The following POLR3H variants were observed in gnomAD, a reference collection of about 807,000 sequenced individuals.
The protein encoded by POLR3H is DNA-directed RNA polymerase III subunit RPC8.
Under a neutral mutation model 25.5 loss-of-function variants are expected in POLR3H, and 17 were observed. That is an observed-to-expected ratio of 0.67 (90% confidence interval 0.46 to 1.00). The LOEUF (loss-of-function observed/expected upper bound fraction) is 1.00. Among genes scored for constraint, POLR3H ranks in the 50% least tolerant of loss-of-function variants. The probability of loss-of-function intolerance (pLI) is 0.00; values close to 1 mark genes in which losing one functional copy is unlikely to be tolerated. For missense variants in POLR3H, 274 were observed against 265.0 expected (o/e 1.03, Z -0.24); for synonymous variants, 129 against 103.0 (o/e 1.25, Z -1.53).
chr22:41,544,086 C>T lies in POLR3H; in HGVS notation c.16G>A (p.Glu6Lys), dbSNP rs766504707. The T allele has an allele frequency of 1.0e-5, 16 of 1,590,086 alleles. No individual in the cohort carries two copies. Among genetic ancestry groups the T allele is most frequent in the East Asian group, 9.2e-5 (4 of 43,668 alleles). The part of the protein sequence containing the change: MFVLV[E>K]MVDTVRIPPW... ...GGGATCCGGACGGTGTCCACCATTT[C>T]CACCAGGACGAACATCCCGGCCTGC... The change falls in exon 1 of 6, where the codon GAA (glutamate) becomes AAA (lysine). Residue 6 changes from glutamate to lysine, a missense_variant. Physicochemically the swap from Glu to Lys is moderately conservative, Grantham distance 56. Coordinates refer to ENST00000355209, the MANE Select transcript of POLR3H (RefSeq NM_001018050.4).
chr22:41,526,132 GAC>G lies in POLR3H; in HGVS notation c.*3149_*3150del. The stretch of plus-strand genomic sequence containing the variant: ...CAGGACCACAGAACACGTGTCTGAA[GAC>G]TTGCCTGCCTCTCACCCCTCTGTCA... On this transcript the variant is annotated 3_prime_UTR_variant, in exon 6 of 6. Coordinates refer to ENST00000355209, the MANE Select transcript of POLR3H (RefSeq NM_001018050.4). 1 of 746,538 alleles carries G rather than the reference GAC, an allele frequency of 1.3e-6. No homozygotes were observed. The highest frequency in any genetic ancestry group is 2.2e-6 in the Non-Finnish European group (1 of 456,152). 46.2% of individuals were successfully genotyped at this position (746,538 alleles called of 1,614,324 possible).
chr22:41,529,427 C>G (rs1365935493), intron 5 of POLR3H, 91 bp from the exon 6 acceptor site: 1 of 1,183,312 alleles, frequency 8.5e-7, no homozygotes, highest in Non-Finnish European at 1.2e-6. Context: ...AGGCCCAGCA[C>G]AGGCAAAGAA....
chr22:41,543,987 G>A lies in POLR3H; in HGVS notation c.111+4C>T, dbSNP rs375515183. On this transcript the variant is annotated splice_donor_region_variant and intron_variant, in intron 1 of 5. Coordinates refer to ENST00000355209, the MANE Select transcript of POLR3H (RefSeq NM_001018050.4). ...GGCCTGCCCGCGAGCCGTGGGCCCA[G>A]TACCTTGTTGGCCAACTTCTTGTTC... 9.3e-6 allele frequency: 15 copies of A among 1,608,886 alleles called. No individual in the cohort carries two copies. The highest frequency in any genetic ancestry group is 1.2e-5 in the Non-Finnish European group (14 of 1,175,472).
intron 2 of POLR3H, among the ~76,000 whole-genome samples, chr22:41,536,622 T>C (rs2066851890): frequency 6.6e-6 from 1 of 151,338 alleles, no homozygotes; most frequent in South Asian, 2.1e-4. Context: ...TCCCAGCACT[T>C]TGGGAGGCCA....
chr22:41,543,967 G>A, intron 1 of POLR3H, 24 bp downstream of exon 1: 2 of 1,566,466 alleles, frequency 1.3e-6, no homozygotes, highest in Non-Finnish European at 1.8e-6. Context: ...GCCAAGGCCT[G>A]CCCGCGAGCC....
At position 41,530,872 on chromosome 22, in the gene POLR3H, C is replaced by T; in HGVS notation, c.376G>A (p.Val126Met). The stretch of plus-strand genomic sequence containing the variant: ...TCCGTCTCGTACTCCCACACCCACA[C>T]CTGCTCCGCTTCGTCGCTGAGGGGG... ...QPAKFDEAEQ[V>M]WVWEYETEEG... Residue 126 changes from valine to methionine, a missense_variant, in exon 5 of 6, where the codon GTG becomes ATG. Physicochemically the swap from Val to Met is conservative, Grantham distance 21. Transcript: ENST00000355209. 1.2e-6 allele frequency: 2 copies of T among 1,613,930 alleles called. No individual in the cohort carries two copies. Among genetic ancestry groups the T allele is most frequent in the Non-Finnish European group, 1.7e-6 (2 of 1,180,036 alleles).
rs151241059 is a variant in POLR3H, at chr22:41,539,258, T to TA, written c.208+1440dup. Reference sequence around the variant, plus strand: ...TGGGCAACAGAGCAAGACTCTGTCTTAAAAAAAAAAAAAAGTATTTGGACC... The same window carrying TA: ...TGGGCAACAGAGCAAGACTCTGTCTTAAAAAAAAAAAAAAAGTATTTGGACC... On this transcript the variant is annotated intron_variant, in intron 2 of 5. Transcript: ENST00000355209. 4.3e-3 allele frequency: 618 copies of TA among 143,640 alleles called. 2 individuals are homozygous for TA. The highest frequency in any genetic ancestry group is 0.012 in the South Asian group (54 of 4,570). 8.9% of individuals were successfully genotyped at this position (143,640 alleles called of 1,614,324 possible). A position where few individuals can be genotyped will look rare whatever the true frequency, so the allele number is the denominator to read the frequency against.
chr22:41,543,179 G>A (rs1276223626), intron 1 of POLR3H, among the ~76,000 whole-genome samples: 1 of 152,158 alleles, frequency 6.6e-6, no homozygotes, highest in African/African-American at 2.4e-5. Flanking sequence ...TGGAAAGGGA[G>A]GACTGTCAAA....
At position 41,544,173 on chromosome 22, in the gene POLR3H, C is replaced by G; in HGVS notation, c.-72G>C. 1.1e-6 allele frequency: 1 copy of G among 951,004 alleles called. No homozygotes were observed. Among genetic ancestry groups the G allele is most frequent in the Non-Finnish European group, 1.6e-6 (1 of 612,266 alleles). 58.9% of individuals were successfully genotyped at this position (951,004 alleles called of 1,614,324 possible). On this transcript the variant is annotated 5_prime_UTR_variant, in exon 1 of 6. Coordinates refer to ENST00000355209, the MANE Select transcript of POLR3H (RefSeq NM_001018050.4). ...CCAGGGCCGGGGGCAGGGAGAATCCCCGAGCCCCTTGGTCCCGTCCCAGTC... is the reference window on the plus strand; with the variant it reads ...CCAGGGCCGGGGGCAGGGAGAATCCGCGAGCCCCTTGGTCCCGTCCCAGTC...
intron 2 of POLR3H, among the ~76,000 whole-genome samples, chr22:41,533,995 G>A (rs188884270): frequency 1.1e-3 from 160 of 152,276 alleles, no homozygotes; most frequent in African/African-American, 3.6e-3. Flanking sequence ...AAAATTAGCC[G>A]GGTGTGGTAC....
rs186225266 is a variant in POLR3H at position 41,529,881 on chromosome 22, A to T, written c.562-545T>A. Reference sequence around the variant, plus strand: ...CACCATTCTCCTGCCTCAGCCTCCCAAGTAGCTGGGACTACAGGCGCCCGC... The same window carrying T: ...CACCATTCTCCTGCCTCAGCCTCCCTAGTAGCTGGGACTACAGGCGCCCGC... On this transcript the variant is annotated intron_variant, in intron 5 of 5. Transcript: ENST00000355209. Among the ~76,000 whole-genome samples, 15 of 151,214 alleles carry T rather than the reference A, an allele frequency of 9.9e-5. No homozygotes were observed. In the South Asian group the frequency reaches 3.1e-3, roughly 32 times the overall value.
intron 2 of POLR3H, among the ~76,000 whole-genome samples, chr22:41,534,938 G>T (rs1367054476): frequency 6.6e-6 from 1 of 151,754 alleles, no homozygotes; most frequent in East Asian, 1.9e-4. Context: ...AGTGGTGATG[G>T]CTTAGCTGAT....
Position 41,527,113 on chromosome 22 carries a change from T to C in POLR3H, c.*2170A>G. On this transcript the variant is annotated 3_prime_UTR_variant, in exon 6 of 6. Coordinates refer to ENST00000355209, the MANE Select transcript of POLR3H (RefSeq NM_001018050.4). Reference sequence around the variant, plus strand: ...CCCTCGGGGCCTCGTTTGGGTCTCATTCACGCAGGCTTCACTTGCCCTTAG... The same window carrying C: ...CCCTCGGGGCCTCGTTTGGGTCTCACTCACGCAGGCTTCACTTGCCCTTAG... The C allele has an allele frequency of 2.2e-6, 2 of 922,418 alleles. No homozygotes were observed. The highest frequency in any genetic ancestry group is 2.6e-5 in the East Asian group (1 of 37,944). The allele number at this position is 922,418 out of a possible 1,614,324, so 57.1% of individuals were successfully genotyped here. A position where few individuals can be genotyped will look rare whatever the true frequency, so the allele number is the denominator to read the frequency against.
intron 3 of POLR3H, among the ~76,000 whole-genome samples, chr22:41,532,426 C>T (rs1016535594): frequency 7.9e-5 from 12 of 152,204 alleles, no homozygotes; most frequent in African/African-American, 2.9e-4. Flanking sequence ...CAGTCACTTC[C>T]GCCAGCTTCA....
intron 2 of POLR3H, chr22:41,539,007 A>G (rs1828702864): frequency 6.6e-6 from 1 of 152,368 alleles, no homozygotes; most frequent in Non-Finnish European, 1.5e-5. Flanking sequence ...TCACGCCTGT[A>G]ATCCCAGCAC....
rs1454314043 is a variant in POLR3H at position 41,544,307 on chromosome 22, C to T, written c.-206G>A. The T allele has an allele frequency of 5.9e-6, 3 of 504,338 alleles. No homozygotes were observed. Among genetic ancestry groups the T allele is most frequent in the African/African-American group, 2.0e-5 (1 of 50,550 alleles). The allele number at this position is 504,338 out of a possible 1,614,324, so 31.2% of individuals were successfully genotyped here. On this transcript the variant is annotated 5_prime_UTR_variant, in exon 1 of 6. It adds an upstream start codon to the 5' untranslated region. Transcript: ENST00000355209. Reference sequence around the variant, plus strand: ...AGGAAACTGAGGCCAGAGGGAGGCACTCTCCGTCCACAGCTCCGGGTGCGC... The same window carrying T: ...AGGAAACTGAGGCCAGAGGGAGGCATTCTCCGTCCACAGCTCCGGGTGCGC...
chr22:41,541,559 C>T (rs917560099), intron 1 of POLR3H, among the ~76,000 whole-genome samples: 3 of 152,202 alleles, frequency 2.0e-5, no homozygotes, highest in South Asian at 2.1e-4. Context: ...AACTCAGAGT[C>T]GTGGCCAGAC....
At chr22:41,536,646 G>T (rs1387349877) in intron 2 of POLR3H, among the ~76,000 whole-genome samples, 2 of 151,602 alleles carry the variant, frequency 1.3e-5, no homozygotes, top group African/African-American at 2.4e-5. Flanking sequence ...CGGGCGGATC[G>T]CCTGAGGTCA....
Position 41,526,141 on chromosome 22 carries a change from G to A in POLR3H, c.*3142C>T. On this transcript the variant is annotated 3_prime_UTR_variant, in exon 6 of 6. Transcript: ENST00000355209. ...AGAACACGTGTCTGAAGACTTGCCT[G>A]CCTCTCACCCCTCTGTCACCCCTCC... 1.2e-6 allele frequency: 1 copy of A among 812,918 alleles called. No individual in the cohort carries two copies. Among genetic ancestry groups the A allele is most frequent in the South Asian group, 1.7e-5 (1 of 57,792 alleles). The allele number at this position is 812,918 out of a possible 1,614,324, so 50.4% of individuals were successfully genotyped here.
Sources: allele counts gnomAD v4.1 joint callset (sites outside exome capture counted in the v4.1 genomes callset), GRCh38; gene constraint gnomAD v4.1.1; transcripts MANE v1.5; gene names NCBI Gene and HGNC (gene_info 2026-07-23, HGNC 2026-07-21).